ABLIM2: variants seen among roughly 807,000 people sequenced by gnomAD.
ABLIM2 encodes actin-binding LIM protein 2.
In ABLIM2, 53 loss-of-function variants were observed where a neutral mutation model predicts 97.7. The observed-to-expected ratio is 0.54, with a 90% confidence interval of 0.44 to 0.68. ABLIM2 has a LOEUF of 0.68. Among genes scored for constraint, ABLIM2 ranks in the 30% least tolerant of loss-of-function variants. The pLI is 0.00. For synonymous variants in ABLIM2, 361 were observed against 345.8 expected (o/e 1.04, Z -0.49); for missense variants, 835 against 867.2 (o/e 0.96, Z 0.47).
In ABLIM2 at chr4:8,087,227, G is replaced by A. The variant is rs943495768; in HGVS notation, c.454+942C>T. Among the ~76,000 whole-genome samples the A allele has an allele frequency of 1.3e-5, 2 of 152,168 alleles. No homozygotes were observed. Among genetic ancestry groups the A allele is most frequent in the Non-Finnish European group, 2.9e-5 (2 of 68,006 alleles). ...GCTTCTGCACCAGGTGCCTGGCAGC[G>A]GCGGGGCCTGGTTTGCTGGGCTTCC... On this transcript the variant is annotated intron_variant, in intron 4 of 20. Coordinates refer to ENST00000447017, the MANE Select transcript of ABLIM2 (RefSeq NM_001130083.2). The surrounding 1 kb of genome is among the most constrained non-coding windows in gnomAD (Gnocchi z 4.6).
At chr4:8,090,188 T>C (rs780223626) in intron 3 of ABLIM2, among the ~76,000 whole-genome samples, 136 of 152,270 alleles carry the variant, frequency 8.9e-4, no homozygotes, top group Non-Finnish European at 1.4e-3. Flanking sequence ...GTCAATGCTA[T>C]GGTCTGCTGC....
At chr4:8,011,265 T>C (rs1175988510) in intron 14 of ABLIM2, among the ~76,000 whole-genome samples, 1 of 151,938 alleles carries the variant, frequency 6.6e-6, no homozygotes, top group East Asian at 2.0e-4. Flanking sequence ...AGGGATGCTC[T>C]GCCAAGATTT....
intron 14 of ABLIM2, among the ~76,000 whole-genome samples, chr4:8,016,823 C>T (rs538556394): frequency 5.6e-4 from 85 of 152,314 alleles, no homozygotes; most frequent in African/African-American, 1.9e-3. Context: ...GCTCCAGCCT[C>T]GAGCCTCTGC....
chr4:7,971,143 C>A lies in ABLIM2; in HGVS notation c.1825-4040G>T, dbSNP rs2149378803. On this transcript the variant is annotated intron_variant, in intron 20 of 20. Coordinates refer to ENST00000447017, the MANE Select transcript of ABLIM2 (RefSeq NM_001130083.2). ...TCCTAGGTGAGAGGGGCTCAAAGGT[C>A]CTTACTCTGTGGCCAGCTGCAAAAC... is the stretch of plus-strand genomic sequence containing the variant. Among the ~76,000 whole-genome samples, 3 of 152,220 alleles carry A rather than the reference C, an allele frequency of 2.0e-5. No individual in the cohort carries two copies. The South Asian group carries it at 6.2e-4, about 32-fold the overall frequency.
chr4:8,020,172 G>A (rs1373994830), intron 13 of ABLIM2, 30 bp downstream of exon 13: 1 of 1,597,372 alleles, frequency 6.3e-7, no homozygotes, highest in South Asian at 1.1e-5. Context: ...TTCAGTGTAA[G>A]GAGCCCAGCC....
chr4:8,097,426 C>T, intron 2 of ABLIM2, 144 bp from the exon 3 acceptor site: 1 of 1,039,162 alleles, frequency 9.6e-7, no homozygotes, highest in Non-Finnish European at 1.4e-6. Context: ...GTGGCTTGCT[C>T]AACTCTCGGC....
chr4:8,063,577 G>A (rs1804888626), intron 6 of ABLIM2, among the ~76,000 whole-genome samples: 1 of 152,256 alleles, frequency 6.6e-6, no homozygotes, highest in African/African-American at 2.4e-5. Flanking sequence ...TGGTAGAGCT[G>A]CGGTTACAGT....
chr4:8,055,291 C>A (rs1291452545), intron 7 of ABLIM2, among the ~76,000 whole-genome samples: 1 of 152,184 alleles, frequency 6.6e-6, no homozygotes, highest in African/African-American at 2.4e-5. Flanking sequence ...CTCCTGGGGC[C>A]TCCCTGAACC....
At position 8,128,990 on chromosome 4, in the gene ABLIM2, G is replaced by A. The variant is rs572870397; in HGVS notation, c.11-22353C>T. Among the ~76,000 whole-genome samples, 9 of 145,746 alleles carry A rather than the reference G, an allele frequency of 6.2e-5. No individual in the cohort carries two copies. The highest frequency in any genetic ancestry group is 2.3e-4 in the South Asian group (1 of 4,442). ...AGAAGCCACCAGTCTATGAGGCTTC[G>A]TTGAGCTGCACCGAGACCACACATC... On this transcript the variant is annotated intron_variant, in intron 1 of 20. Transcript: ENST00000447017. This position sits in a 1 kb window ranked among gnomAD's most constrained non-coding sequence, Gnocchi z 4.9.
rs1166514699 is a variant in ABLIM2, at chr4:8,132,116, G to A, written c.11-25479C>T. Among the ~76,000 whole-genome samples, 1 of 152,080 alleles carries A rather than the reference G, an allele frequency of 6.6e-6. No homozygotes were observed. Among genetic ancestry groups the A allele is most frequent in the Non-Finnish European group, 1.5e-5 (1 of 68,008 alleles). Reference sequence around the variant, plus strand: ...GTGGGGTGTGGTGTACTAGCGGGATGGCTCAAGTGGCACAGGAACGACCTG... The same window carrying A: ...GTGGGGTGTGGTGTACTAGCGGGATAGCTCAAGTGGCACAGGAACGACCTG... On this transcript the variant is annotated intron_variant, in intron 1 of 20. Transcript: ENST00000447017. The surrounding 1 kb of genome is among the most constrained non-coding windows in gnomAD (Gnocchi z 8.0).
chr4:7,971,342 C>T (rs1047341790), intron 20 of ABLIM2, among the ~76,000 whole-genome samples: 2 of 152,178 alleles, frequency 1.3e-5, no homozygotes, highest in Admixed American at 6.5e-5. Flanking sequence ...CACCTCACCC[C>T]CAGGGCCCGC....
chr4:8,076,958 G>A (rs111594502), intron 6 of ABLIM2, among the ~76,000 whole-genome samples: 19,167 of 123,610 alleles, frequency 0.16, 2,888 homozygotes, highest in South Asian at 0.31. Context: ...AGAGAAGGTG[G>A]GCTGCAGGAT....
intron 8 of ABLIM2, among the ~76,000 whole-genome samples, chr4:8,052,269 C>T (rs1026042961): frequency 3.5e-4 from 54 of 152,156 alleles, no homozygotes; most frequent in African/African-American, 1.2e-3. Context: ...TTCCACAGGC[C>T]TTTGGTGGGC....
rs1017948007 is a variant in ABLIM2 at position 7,996,522 on chromosome 4, A to T, written c.1619-3595T>A. Among the ~76,000 whole-genome samples, 51 of 152,176 alleles carry T rather than the reference A, an allele frequency of 3.4e-4. 1 individual carries two copies. Among genetic ancestry groups the T allele is most frequent in the African/African-American group, 1.2e-3 (50 of 41,446 alleles). On this transcript the variant is annotated intron_variant, in intron 16 of 20. Coordinates refer to ENST00000447017, the MANE Select transcript of ABLIM2 (RefSeq NM_001130083.2). The surrounding 1 kb of genome is among the most constrained non-coding windows in gnomAD (Gnocchi z 4.5). Reference sequence around the variant, plus strand: ...CACTTTGACTATGATAGTCTCAGGGACGTCTTCTGTTTCCCCTGAGCACCC... The same window carrying T: ...CACTTTGACTATGATAGTCTCAGGGTCGTCTTCTGTTTCCCCTGAGCACCC...
In ABLIM2 at chr4:8,122,441, G is replaced by A. The variant is rs1845898467; in HGVS notation, c.11-15804C>T. Reference sequence around the variant, plus strand: ...AGCCTAAGAGTCTGATATTAGGGCAGCAGCATGCTCGGTCCCTGGTGAGGG... The same window carrying A: ...AGCCTAAGAGTCTGATATTAGGGCAACAGCATGCTCGGTCCCTGGTGAGGG... On this transcript the variant is annotated intron_variant, in intron 1 of 20. Transcript: ENST00000447017. This position sits in a 1 kb window ranked among gnomAD's most constrained non-coding sequence, Gnocchi z 4.1. Among the ~76,000 whole-genome samples the A allele has an allele frequency of 6.6e-6, 1 of 152,198 alleles. No homozygotes were observed. Among genetic ancestry groups the A allele is most frequent in the African/African-American group, 2.4e-5 (1 of 41,452 alleles).
At position 8,054,934 on chromosome 4, in the gene ABLIM2, T is replaced by C. The variant is rs1372087290; in HGVS notation, c.764-688A>G. Among the ~76,000 whole-genome samples, 1 of 152,036 alleles carries C rather than the reference T, an allele frequency of 6.6e-6. No individual in the cohort carries two copies. The highest frequency in any genetic ancestry group is 2.4e-5 in the African/African-American group (1 of 41,396). On this transcript the variant is annotated intron_variant, in intron 7 of 20. Coordinates refer to ENST00000447017, the MANE Select transcript of ABLIM2 (RefSeq NM_001130083.2). The surrounding 1 kb of genome is among the most constrained non-coding windows in gnomAD (Gnocchi z 4.9). ...TGTCAGTTCTGCCCAGTCACCCATG[T>C]CAACAGCCACTACCATCAACATAAC...
chr4:8,060,286 C>A (rs1158110030), intron 7 of ABLIM2, among the ~76,000 whole-genome samples: 1 of 152,184 alleles, frequency 6.6e-6, no homozygotes, highest in Non-Finnish European at 1.5e-5. Context: ...GAGAGACGAC[C>A]AGTCCTCAAG....
chr4:8,029,789 A>G lies in ABLIM2; in HGVS notation c.1048-13T>C. 1 of 1,567,628 alleles carries G rather than the reference A, an allele frequency of 6.4e-7. No individual in the cohort carries two copies. The highest frequency in any genetic ancestry group is 1.4e-5 in the African/African-American group (1 of 73,892). On this transcript the variant is annotated splice_polypyrimidine_tract_variant and intron_variant, in intron 10 of 20. Transcript: ENST00000447017. ...CATCCTGATCCCCCTGGGAGGGAAG[A>G]TGCAGCTTGTGAACACTGGAGCCGG...
At position 8,072,830 on chromosome 4, in the gene ABLIM2, C is replaced by T. The variant is rs963425379; in HGVS notation, c.675+4798G>A. On this transcript the variant is annotated intron_variant, in intron 6 of 20. Transcript: ENST00000447017. The surrounding 1 kb of genome is among the most constrained non-coding windows in gnomAD (Gnocchi z 5.8). Reference sequence around the variant, plus strand: ...CGCATAAGAGGAGCAGGGTCAGGGACAGCACCTGAGTGGGGAACGCAGGCC... The same window carrying T: ...CGCATAAGAGGAGCAGGGTCAGGGATAGCACCTGAGTGGGGAACGCAGGCC... Among the ~76,000 whole-genome samples, 1 of 152,166 alleles carries T rather than the reference C, an allele frequency of 6.6e-6. No homozygotes were observed. Among genetic ancestry groups the T allele is most frequent in the African/African-American group, 2.4e-5 (1 of 41,442 alleles).
Sources: allele counts gnomAD v4.1 joint callset (sites outside exome capture counted in the v4.1 genomes callset), GRCh38; gene constraint gnomAD v4.1.1; non-coding constraint Gnocchi (gnomAD v3.1); transcripts MANE v1.5; gene names NCBI Gene and HGNC (gene_info 2026-07-23, HGNC 2026-07-21).